Variants in CD38 observed in about 807,000 individuals in gnomAD.
The protein encoded by CD38 is CD38 molecule, also known as ADP-ribosyl cyclase/cyclic ADP-ribose hydrolase 1.
Under a neutral mutation model 36.3 loss-of-function variants are expected in CD38, and 31 were observed. The ratio of observed to expected loss-of-function variants is 0.85; its 90% CI spans 0.64 to 1.15. The LOEUF is 1.15. Ranked by LOEUF, CD38 falls within the 50% of genes most tolerant of loss-of-function variation. CD38 has a pLI of 0.00. For synonymous variants in CD38, 131 were observed against 135.2 expected (o/e 0.97, Z 0.22); for missense variants, 380 against 371.9 (o/e 1.02, Z -0.18).
At chr4:15,808,937 G>A (rs1723403560) in intron 1 of CD38, among the ~76,000 whole-genome samples, 1 of 152,182 alleles carries the variant, frequency 6.6e-6, no homozygotes, top group African/African-American at 2.4e-5. Flanking sequence ...GAGGCTGTCT[G>A]GTGAAGTGTC....
intron 2 of CD38, among the ~76,000 whole-genome samples, chr4:15,823,326 A>G (rs1723779749): frequency 6.6e-6 from 1 of 152,248 alleles, no homozygotes. Context: ...GACAAATGGG[A>G]TCTAATTAAA....
At position 15,799,354 on chromosome 4, in the gene CD38, GT is replaced by G. The variant is rs1364967762; in HGVS notation, c.234-17153del. On this transcript the variant is annotated intron_variant, in intron 1 of 7. Transcript: ENST00000226279. The stretch of plus-strand genomic sequence containing the variant: ...AGTTTATTTCTGGACTCTCCAATCT[GT>G]TTTATGGTCTGTTTGTCGCTATACC... Among the ~76,000 whole-genome samples, 23 of 152,240 alleles carry G rather than the reference GT, an allele frequency of 1.5e-4. No homozygotes were observed. In the East Asian group the frequency reaches 4.4e-3, roughly 29 times the overall value.
chr4:15,799,921 C>T (rs907472594), intron 1 of CD38, among the ~76,000 whole-genome samples: 3 of 152,198 alleles, frequency 2.0e-5, no homozygotes, highest in African/African-American at 7.2e-5. Flanking sequence ...TGCCACACTT[C>T]ACCCTCATAC....
At chr4:15,820,808 C>T (rs1033751568) in intron 2 of CD38, among the ~76,000 whole-genome samples, 33 of 152,088 alleles carry the variant, frequency 2.2e-4, no homozygotes, top group African/African-American at 6.8e-4. Flanking sequence ...AAGATATTCA[C>T]GACCTGAACT....
chr4:15,827,593 A>G (rs1341906636), intron 3 of CD38, among the ~76,000 whole-genome samples: 2 of 152,098 alleles, frequency 1.3e-5, no homozygotes, highest in Admixed American at 1.3e-4. Context: ...CCCTTTTAAC[A>G]ATGACTGTTT....
chr4:15,803,732 T>C (rs1723277291), intron 1 of CD38, among the ~76,000 whole-genome samples: 1 of 152,206 alleles, frequency 6.6e-6, no homozygotes, highest in Non-Finnish European at 1.5e-5. Context: ...GGTTTCAGAA[T>C]ATGATTGAAC....
intron 2 of CD38, among the ~76,000 whole-genome samples, chr4:15,824,268 C>T (rs1240867073): frequency 2.0e-5 from 3 of 152,020 alleles, no homozygotes; most frequent in African/African-American, 7.3e-5. Context: ...ATGTAACAAA[C>T]CTGCACATCC....
At chr4:15,825,931 A>C (rs891585986) in intron 3 of CD38, 3 of 151,170 alleles carry the variant, frequency 2.0e-5, no homozygotes, top group Non-Finnish European at 4.4e-5. Context: ...CTACAACCAA[A>C]ACCCTACTGC....
At chr4:15,813,349 T>C (rs1030975159) in intron 1 of CD38, among the ~76,000 whole-genome samples, 3 of 152,238 alleles carry the variant, frequency 2.0e-5, no homozygotes, top group African/African-American at 4.8e-5. Context: ...TTAATATTTT[T>C]GTGTGTCTAT....
chr4:15,789,465 A>G (rs879418597), intron 1 of CD38, among the ~76,000 whole-genome samples: 3 of 152,214 alleles, frequency 2.0e-5, no homozygotes, highest in Non-Finnish European at 4.4e-5. Context: ...TTAGTTTCTC[A>G]GGGCGATAAA....
chr4:15,839,981 T>C, intron 5 of CD38, 45 bp from the exon 6 acceptor site: 1 of 1,367,972 alleles, frequency 7.3e-7, no homozygotes, highest in Non-Finnish European at 1.0e-6. Context: ...GTGGATGCTT[T>C]CGTTTGGGGT....
At chr4:15,811,728 G>C (rs963558844) in intron 1 of CD38, among the ~76,000 whole-genome samples, 1 of 152,198 alleles carries the variant, frequency 6.6e-6, no homozygotes, top group Non-Finnish European at 1.5e-5. Context: ...TTTATCGTGA[G>C]GTTGACTTGC....
chr4:15,813,612 C>T (rs1723520161), intron 1 of CD38, among the ~76,000 whole-genome samples: 1 of 152,056 alleles, frequency 6.6e-6, no homozygotes, highest in South Asian at 2.1e-4. Flanking sequence ...CCACCCCCGC[C>T]GACAGGCCCC....
chr4:15,780,542 A>ACACACACACACG (rs1560303859), intron 1 of CD38, among the ~76,000 whole-genome samples: 11 of 151,486 alleles, frequency 7.3e-5, no homozygotes, highest in African/African-American at 2.7e-4. Flanking sequence ...ACACACACAC[A>ACACACACACACG]CACACACACA....
chr4:15,819,186 G>A (rs995442196), intron 2 of CD38, among the ~76,000 whole-genome samples: 42 of 152,192 alleles, frequency 2.8e-4, no homozygotes, highest in Non-Finnish European at 1.2e-4. Flanking sequence ...GGGCCTGTCA[G>A]GGGTGGGTGC....
chr4:15,819,336 AC>A (rs1378281666), intron 2 of CD38, among the ~76,000 whole-genome samples: 5 of 152,126 alleles, frequency 3.3e-5, no homozygotes, highest in African/African-American at 7.2e-5. Flanking sequence ...GTATAAAAAA[AC>A]AAAAGATACT....
chr4:15,791,660 G>A (rs1186506196), intron 1 of CD38, among the ~76,000 whole-genome samples: 4 of 94,058 alleles, frequency 4.3e-5, no homozygotes, highest in East Asian at 2.8e-4. Flanking sequence ...CAGCCGCCCC[G>A]TCCGGGAGGG....
rs770505473 is a variant in CD38, at chr4:15,847,559, TA to T, written c.840-972del. 6.0e-5 allele frequency among the ~76,000 whole-genome samples: 4 copies of T among 66,558 alleles called. No homozygotes were observed. In the East Asian group the frequency reaches 1.8e-3, roughly 31 times the overall value. The allele number at this position is 66,558 out of a possible 152,430, so 43.7% of individuals were successfully genotyped here. A position where few individuals can be genotyped will look rare whatever the true frequency, so the allele number is the denominator to read the frequency against. On this transcript the variant is annotated intron_variant, in intron 7 of 7. Coordinates refer to ENST00000226279, the MANE Select transcript of CD38 (RefSeq NM_001775.4). ...ATGTACCCTAAAACTTAGAGTATAA[TA>T]AAAAAAATAAAAAATAAAAAACAAC... is the stretch of plus-strand genomic sequence containing the variant.
Position 15,803,624 on chromosome 4 carries a change from C to T in CD38, c.234-12887C>T, listed in dbSNP as rs546895748. Among the ~76,000 whole-genome samples, 4 of 152,224 alleles carry T rather than the reference C, an allele frequency of 2.6e-5. No individual in the cohort carries two copies. In the South Asian group the frequency reaches 8.3e-4, roughly 32 times the overall value. On this transcript the variant is annotated intron_variant, in intron 1 of 7. Transcript: ENST00000226279. ...TATCATCAAAAAGAAGAAAAAATAA[C>T]AAAGCTAGCAAGAATGCAGATAAAA...
Sources: gnomAD v4.1 joint callset for allele counts (sites outside exome capture counted in the v4.1 genomes callset) on GRCh38, gnomAD v4.1.1 for gene constraint, MANE v1.5 for transcripts, NCBI Gene and HGNC (gene_info 2026-07-23, HGNC 2026-07-21) for gene names.